Variants in SV2C observed in about 807,000 individuals in gnomAD.
The protein encoded by SV2C is solute carrier family 22 member B3.
A neutral mutation model predicts 79.7 loss-of-function variants in SV2C; 49 were observed. The observed-to-expected ratio is 0.61, with a 90% CI of 0.49 to 0.78. The LOEUF (loss-of-function observed/expected upper bound fraction) is 0.78. SV2C is among the 30% of genes least tolerant of loss of function. SV2C has a pLI of 0.00. For missense variants in SV2C, 833 were observed against 912.9 expected, an observed-to-expected ratio of 0.91 and a Z score of 1.13; for synonymous variants, 334 against 333.2, an observed-to-expected ratio of 1.00 and a Z score of -0.03.
intron 12 of SV2C, among the ~76,000 whole-genome samples, chr5:76,317,075 T>C (rs1270069245): frequency 1.3e-5 from 2 of 152,300 alleles, no homozygotes; most frequent in African/African-American, 4.8e-5. Flanking sequence ...TAGGAGTGTA[T>C]TAAGGACAAA....
At chr5:76,048,263 T>C in the SV2C span, among the ~76,000 whole-genome samples, 12 of 152,146 alleles carry the variant, frequency 7.9e-5, no homozygotes, top group African/African-American at 2.2e-4. Flanking sequence ...TGTAATTCGG[T>C]CCAAGCTCAA....
rs1055478879 is a variant in SV2C, at chr5:76,330,925, C to T, written c.*5378C>T. ...AGGCCGGAGTGCAGTGGTGCAATCT[C>T]GGCTCAATGCAACTTCCGCCTCCCA... On this transcript the variant is annotated 3_prime_UTR_variant, in exon 13 of 13. Coordinates refer to ENST00000502798, the MANE Select transcript of SV2C (RefSeq NM_014979.4). 4.0e-5 allele frequency: 6 copies of T among 151,410 alleles called. No homozygotes were observed. The highest frequency in any genetic ancestry group is 7.3e-5 in the African/African-American group (3 of 41,114). The allele number at this position is 151,410 out of a possible 1,614,324, so 9.4% of individuals were successfully genotyped here.
chr5:76,146,996 A>T (rs1749456602), intron 2 of SV2C, among the ~76,000 whole-genome samples: 1 of 152,102 alleles, frequency 6.6e-6, no homozygotes, highest in Non-Finnish European at 1.5e-5. Context: ...ACTCATGGAG[A>T]TGGGGAATGG....
At chr5:75,949,064 G>C in the SV2C span, among the ~76,000 whole-genome samples, 391 of 151,952 alleles carry the variant, frequency 2.6e-3, 3 homozygotes, top group African/African-American at 8.8e-3. Context: ...TAGTGAGTGA[G>C]TTCTCCTGAG....
chr5:76,242,740 A>G (rs1474870001), intron 4 of SV2C, among the ~76,000 whole-genome samples: 1 of 152,058 alleles, frequency 6.6e-6, no homozygotes, highest in Non-Finnish European at 1.5e-5. Context: ...TCATCAAGAA[A>G]ACGAAGATGA....
Position 76,300,863 on chromosome 5 carries a change from T to C in SV2C, c.1771T>C (p.Leu591=), listed in dbSNP as rs1476780485. ...WIYFVNFLGT[L]AVLPGNIVSA... ...TTATTTTGTCAACTTTCTGGGGACA[T>C]TGGCAGTATTGCCAGGGAACATTGT... The change falls in exon 11 of 13, where the codon TTG becomes CTG. Residue 591 remains leucine (L), a synonymous_variant. Transcript: ENST00000502798. 1.2e-6 allele frequency: 2 copies of C among 1,614,180 alleles called. No individual in the cohort carries two copies. The highest frequency in any genetic ancestry group is 4.5e-5 in the East Asian group (2 of 44,876).
At chr5:75,967,112 T>C in the SV2C span, among the ~76,000 whole-genome samples, 2 of 152,128 alleles carry the variant, frequency 1.3e-5, no homozygotes, top group African/African-American at 2.4e-5. Context: ...AGTAAGAGGA[T>C]TGCTTGGGGC....
intron 1 of SV2C, among the ~76,000 whole-genome samples, chr5:76,090,586 T>C (rs1023625145): frequency 7.2e-5 from 11 of 152,170 alleles, no homozygotes; most frequent in African/African-American, 2.7e-4. Context: ...TTAAAGACTA[T>C]ATCCTTAGGT....
chr5:75,912,880 A>C, the SV2C span, among the ~76,000 whole-genome samples: 1 of 152,230 alleles, frequency 6.6e-6, no homozygotes, highest in Non-Finnish European at 1.5e-5. Context: ...TGTATCCTAA[A>C]ATTACATTGC....
chr5:76,057,087 G>C, the SV2C span, among the ~76,000 whole-genome samples: 1 of 152,042 alleles, frequency 6.6e-6, no homozygotes, highest in Admixed American at 6.6e-5. Context: ...TGTGATATTA[G>C]GGTATTGATT....
At chr5:75,903,176 T>C in the SV2C span, among the ~76,000 whole-genome samples, 90 of 152,248 alleles carry the variant, frequency 5.9e-4, 1 homozygote, top group Non-Finnish European at 6.6e-4. Context: ...TGTTCCAGTA[T>C]TCCAAAATGA....
the SV2C span, among the ~76,000 whole-genome samples, chr5:76,053,859 A>G: frequency 6.6e-6 from 1 of 152,180 alleles, no homozygotes; most frequent in Non-Finnish European, 1.5e-5. Context: ...TATCTGCCCT[A>G]CAAATCTCAT....
chr5:76,098,280 T>A (rs1472354010), intron 1 of SV2C, among the ~76,000 whole-genome samples: 2 of 152,204 alleles, frequency 1.3e-5, no homozygotes, highest in African/African-American at 4.8e-5. Flanking sequence ...CTGAAGAGAC[T>A]CTTACAAAAG....
At chr5:76,301,914 A>G (rs1748020194) in intron 12 of SV2C, among the ~76,000 whole-genome samples, 1 of 151,284 alleles carries the variant, frequency 6.6e-6, no homozygotes, top group African/African-American at 2.4e-5. Flanking sequence ...ATCTCAAAAA[A>G]AAAAAAAAAA....
intron 12 of SV2C, among the ~76,000 whole-genome samples, chr5:76,349,446 A>G (rs947799090): frequency 2.0e-5 from 3 of 152,104 alleles, no homozygotes; most frequent in Non-Finnish European, 4.4e-5. Context: ...CGGGATGGGG[A>G]GGTTGCAGTG....
chr5:76,310,713 C>G (rs747101501), intron 12 of SV2C, among the ~76,000 whole-genome samples: 26 of 152,168 alleles, frequency 1.7e-4, no homozygotes, highest in South Asian at 8.3e-4. Flanking sequence ...TAGTTCAAGT[C>G]AAAGGAAACA....
chr5:75,882,626 C>T, the SV2C span, among the ~76,000 whole-genome samples: 1 of 152,000 alleles, frequency 6.6e-6, no homozygotes, highest in Non-Finnish European at 1.5e-5. Context: ...CTTTGACAAA[C>T]CTGACAAAAA....
chr5:76,017,045 A>G, the SV2C span, among the ~76,000 whole-genome samples: 3 of 152,234 alleles, frequency 2.0e-5, no homozygotes, highest in South Asian at 6.2e-4. Flanking sequence ...TTACTTGATT[A>G]TAAATATACC....
At chr5:75,860,989 G>A in the SV2C span, among the ~76,000 whole-genome samples, 1 of 152,124 alleles carries the variant, frequency 6.6e-6, no homozygotes, top group African/African-American at 2.4e-5. Flanking sequence ...AATCTTAGAA[G>A]AAAACTTAGG....
Sources: allele counts gnomAD v4.1 joint callset (sites outside exome capture counted in the v4.1 genomes callset), GRCh38; gene constraint gnomAD v4.1.1; transcripts MANE v1.5; gene names NCBI Gene and HGNC (gene_info 2026-07-23, HGNC 2026-07-21).